The following DPF3 variants were observed in gnomAD, a reference collection of about 807,000 sequenced individuals.
DPF3 encodes double PHD fingers 3.
DPF3 carries 18 observed loss-of-function variants against 56.8 expected under a neutral mutation model. The observed-to-expected ratio is 0.32, with a 90% confidence interval of 0.22 to 0.47. The LOEUF (loss-of-function observed/expected upper bound fraction) is 0.47, where lower values mean the gene tolerates loss of function less well. Among genes scored for constraint, DPF3 ranks in the 20% least tolerant of loss-of-function variants. The pLI, the probability that DPF3 is intolerant of heterozygous loss-of-function variation, is 1.00. For missense variants in DPF3, 403 were observed against 488.8 expected (o/e 0.82, Z 1.65); for synonymous variants, 188 against 180.2 (o/e 1.04, Z -0.35).
At chr14:72,683,122 T>C (rs993795982) in intron 7 of DPF3, among the ~76,000 whole-genome samples, 3 of 151,758 alleles carry the variant, frequency 2.0e-5, no homozygotes, top group African/African-American at 7.3e-5. Context: ...AGGTCGGGAG[T>C]TCGAGACCAG....
intron 1 of DPF3, among the ~76,000 whole-genome samples, chr14:72,775,741 C>A (rs1490769409): frequency 1.3e-5 from 2 of 152,160 alleles, no homozygotes; most frequent in Non-Finnish European, 2.9e-5. Context: ...TCCTTTTAAA[C>A]AGACCAGGTG....
chr14:72,731,520 C>G (rs1339372730), intron 4 of DPF3: 5 of 360,732 alleles, frequency 1.4e-5, no homozygotes, highest in African/African-American at 2.1e-5. Flanking sequence ...CTCTGTGTCC[C>G]TGGGACCCTG....
intron 1 of DPF3, among the ~76,000 whole-genome samples, chr14:72,884,476 A>G (rs975704179): frequency 6.6e-6 from 1 of 152,118 alleles, no homozygotes; most frequent in Admixed American, 6.5e-5. Flanking sequence ...TCACATTTGC[A>G]CTTTCCACCT....
chr14:72,767,156 C>T (rs995431320), intron 2 of DPF3, among the ~76,000 whole-genome samples: 25 of 152,184 alleles, frequency 1.6e-4, no homozygotes, highest in African/African-American at 6.0e-4. Context: ...AGGGGAGCCT[C>T]GCCTCCCCTA....
In DPF3 at chr14:72,660,333, C is replaced by A. The variant is rs560472741; in HGVS notation, c.871+13907G>T. ...ATAATGCAAGGCATAACGTGATATT[C>A]AGTCTAAAGAAAGATGGAGTACACT... On this transcript the variant is annotated intron_variant, in intron 8 of 10. Coordinates refer to ENST00000556509, the MANE Select transcript of DPF3 (RefSeq NM_001280542.3). 2.6e-5 allele frequency among the ~76,000 whole-genome samples: 4 copies of A among 152,280 alleles called. No homozygotes were observed. The South Asian group carries it at 8.3e-4, about 32-fold the overall frequency.
At chr14:72,827,266 T>C (rs1883848735) in intron 1 of DPF3, among the ~76,000 whole-genome samples, 1 of 152,032 alleles carries the variant, frequency 6.6e-6, no homozygotes, top group African/African-American at 2.4e-5. Flanking sequence ...TCCTCCCTCC[T>C]GCCATGGCCC....
At chr14:72,873,725 A>G (rs1379414330) in intron 1 of DPF3, among the ~76,000 whole-genome samples, 1 of 152,330 alleles carries the variant, frequency 6.6e-6, no homozygotes, top group Non-Finnish European at 1.5e-5. Flanking sequence ...CATATACACC[A>G]TGGAATACTA....
At chr14:72,719,869 G>C (rs775275782) in intron 5 of DPF3, among the ~76,000 whole-genome samples, 3 of 152,152 alleles carry the variant, frequency 2.0e-5, no homozygotes, top group Admixed American at 6.5e-5. Context: ...TTCATCCAAC[G>C]TGTAGTAAGT....
intron 1 of DPF3, among the ~76,000 whole-genome samples, chr14:72,885,564 C>T (rs1230394569): frequency 2.0e-5 from 3 of 151,878 alleles, no homozygotes; most frequent in Admixed American, 6.6e-5. Context: ...CCACCACACC[C>T]GGCTTTTTTT....
intron 6 of DPF3, among the ~76,000 whole-genome samples, chr14:72,708,802 A>G (rs1888528821): frequency 1.3e-5 from 2 of 152,322 alleles, no homozygotes; most frequent in East Asian, 3.9e-4. Context: ...GTATTCCCCA[A>G]TCCACTGCTC....
intron 9 of DPF3, among the ~76,000 whole-genome samples, chr14:72,629,014 C>A (rs574203878): frequency 6.6e-6 from 1 of 152,070 alleles, no homozygotes. Flanking sequence ...AATCCCAATT[C>A]AAATAAACAG....
At chr14:72,887,319 G>A (rs771601954) in intron 1 of DPF3, among the ~76,000 whole-genome samples, 5 of 152,084 alleles carry the variant, frequency 3.3e-5, no homozygotes, top group Non-Finnish European at 5.9e-5. Context: ...TCAGCTTCTG[G>A]ATGGGATGCT....
chr14:72,773,958 C>T (rs1019387634), intron 1 of DPF3: 1 of 455,236 alleles, frequency 2.2e-6, no homozygotes, highest in Non-Finnish European at 4.4e-6. Flanking sequence ...AATAATGCTG[C>T]TATGAACATG....
At chr14:72,804,180 G>GACACACACACACACAC (rs545355128) in intron 1 of DPF3, among the ~76,000 whole-genome samples, 2 of 133,172 alleles carry the variant, frequency 1.5e-5, no homozygotes, top group African/African-American at 5.6e-5. Context: ...TGCTTTCCAG[G>GACACACACACACACAC]ACACACACAC....
At chr14:72,790,411 T>C (rs1892380821) in intron 1 of DPF3, among the ~76,000 whole-genome samples, 1 of 152,294 alleles carries the variant, frequency 6.6e-6, no homozygotes, top group Non-Finnish European at 1.5e-5. Flanking sequence ...GATGAATGAA[T>C]TGTCTGATGT....
intron 2 of DPF3, among the ~76,000 whole-genome samples, chr14:72,770,120 A>G (rs1891461015): frequency 6.6e-6 from 1 of 152,246 alleles, no homozygotes; most frequent in South Asian, 2.1e-4. Context: ...TCAGTAAAAG[A>G]GGTAACCAGA....
intron 3 of DPF3, among the ~76,000 whole-genome samples, chr14:72,736,900 G>T (rs529290305): frequency 1.3e-5 from 2 of 151,892 alleles, no homozygotes; most frequent in South Asian, 4.2e-4. Flanking sequence ...AAATTAGCCT[G>T]ATTTTATACA....
rs1241739015 is a variant in DPF3, at chr14:72,861,743, GAAAGAAAGAAAGAA to G, written c.32+32300_32+32313del. 4.6e-3 allele frequency among the ~76,000 whole-genome samples: 526 copies of G among 114,100 alleles called. 5 individuals are homozygous for G. The highest frequency in any genetic ancestry group is 0.018 in the African/African-American group (505 of 28,302). 74.9% of individuals were successfully genotyped at this position (114,100 alleles called of 152,430 possible). A position where few individuals can be genotyped will look rare whatever the true frequency, so the allele number is the denominator to read the frequency against. ...AGAGAGAGAAAGAAAGAAAGAGAAA[GAAAGAAAGAAAGAA>G]AGAAAGAAAGAAAGAAAGAAAGAAA... On this transcript the variant is annotated intron_variant, in intron 1 of 10. Coordinates refer to ENST00000556509, the MANE Select transcript of DPF3 (RefSeq NM_001280542.3).
chr14:72,751,407 G>C (rs966738673), intron 3 of DPF3, among the ~76,000 whole-genome samples: 7 of 152,154 alleles, frequency 4.6e-5, no homozygotes, highest in Non-Finnish European at 7.3e-5. Context: ...TGCACTCCAG[G>C]GGATCGTGAT....
Sources: gnomAD v4.1 joint callset for allele counts (sites outside exome capture counted in the v4.1 genomes callset) on GRCh38, gnomAD v4.1.1 for gene constraint, MANE v1.5 for transcripts, NCBI Gene and HGNC (gene_info 2026-07-23, HGNC 2026-07-21) for gene names.